The following CSGALNACT1 variants were observed in gnomAD, a reference collection of about 807,000 sequenced individuals.
CSGALNACT1 encodes the protein chondroitin sulfate N-acetylgalactosaminyltransferase 1.
In CSGALNACT1, 52 loss-of-function variants were observed where a neutral mutation model predicts 51.0. That is an observed-to-expected ratio of 1.02 (90% CI 0.82 to 1.29). The LOEUF is 1.29. Among genes scored for constraint, CSGALNACT1 ranks in the 50% most tolerant of loss-of-function variants. The pLI is 0.00. For missense variants in CSGALNACT1, 935 were observed against 679.2 expected, an observed-to-expected ratio of 1.38 and a Z score of -4.19; for synonymous variants, 341 against 254.4, an observed-to-expected ratio of 1.34 and a Z score of -3.24.
At chr8:19,658,851 G>A (rs2058521516) in intron 1 of CSGALNACT1, among the ~76,000 whole-genome samples, 2 of 152,192 alleles carry the variant, frequency 1.3e-5, no homozygotes, top group Admixed American at 6.5e-5. Flanking sequence ...AATTGAGGCT[G>A]AAAAGTGATA....
chr8:19,526,953 A>G (rs1432624566), intron 3 of CSGALNACT1, among the ~76,000 whole-genome samples: 5 of 152,230 alleles, frequency 3.3e-5, no homozygotes, highest in Admixed American at 1.3e-4. Flanking sequence ...GTTAAATGCT[A>G]TGTTAAAGTC....
exon 5 of CSGALNACT1, chr8:19,458,440 G>T (rs780874123): frequency 1.9e-6 from 3 of 1,614,076 alleles, no homozygotes; most frequent in East Asian, 2.2e-5. Flanking sequence ...AATTCTGCAT[G>T]AACTGCCGGA....
At chr8:19,563,070 A>G (rs888993197) in intron 3 of CSGALNACT1, among the ~76,000 whole-genome samples, 2 of 152,242 alleles carry the variant, frequency 1.3e-5, no homozygotes, top group African/African-American at 4.8e-5. Context: ...AATGTGGTAC[A>G]TACACACCAT....
chr8:19,633,209 C>T (rs1018064982), intron 1 of CSGALNACT1, among the ~76,000 whole-genome samples: 2 of 152,116 alleles, frequency 1.3e-5, no homozygotes, highest in South Asian at 4.1e-4. Context: ...TTCCCCAGGT[C>T]GTCGGTGAAT....
intron 3 of CSGALNACT1, among the ~76,000 whole-genome samples, chr8:19,547,414 G>C (rs1001353199): frequency 6.9e-6 from 1 of 144,782 alleles, no homozygotes; most frequent in African/African-American, 2.6e-5. Flanking sequence ...TTGTGGGAGA[G>C]ACCCAGTGGG....
intron 1 of CSGALNACT1, among the ~76,000 whole-genome samples, chr8:19,691,808 TG>T (rs1240523387): frequency 2.0e-5 from 3 of 152,148 alleles, no homozygotes; most frequent in Admixed American, 6.5e-5. Context: ...AGTGTGTCGC[TG>T]GGCTGGCAGC....
intron 2 of CSGALNACT1, among the ~76,000 whole-genome samples, chr8:19,594,626 C>T (rs2048505051): frequency 6.6e-6 from 1 of 152,150 alleles, no homozygotes; most frequent in African/African-American, 2.4e-5. Flanking sequence ...TCACTGCAAC[C>T]TCCACCTCCC....
intron 1 of CSGALNACT1, among the ~76,000 whole-genome samples, chr8:19,655,620 T>C (rs2058204919): frequency 1.3e-5 from 2 of 152,054 alleles, no homozygotes; most frequent in South Asian, 4.1e-4. Context: ...AGTTTTGCCA[T>C]GTTGCCTATG....
At chr8:19,416,183 C>G (rs976914004) in intron 8 of CSGALNACT1, among the ~76,000 whole-genome samples, 2 of 146,174 alleles carry the variant, frequency 1.4e-5, no homozygotes, top group African/African-American at 2.5e-5. Flanking sequence ...GGCACGATCT[C>G]GGCTCACTGC....
intron 1 of CSGALNACT1, among the ~76,000 whole-genome samples, chr8:19,635,683 C>T (rs1358576139): frequency 2.6e-5 from 4 of 152,154 alleles, no homozygotes; most frequent in Admixed American, 2.6e-4. Flanking sequence ...AGTTGTGAGG[C>T]ATCCAAAGCG....
At chr8:19,466,843 C>G (rs1229768474) in intron 4 of CSGALNACT1, among the ~76,000 whole-genome samples, 1 of 152,216 alleles carries the variant, frequency 6.6e-6, no homozygotes, top group Non-Finnish European at 1.5e-5. Flanking sequence ...TTCAGTGGCT[C>G]TGGACTTGTC....
At chr8:19,531,872 C>A (rs1239578492) in intron 3 of CSGALNACT1, 4 of 152,284 alleles carry the variant, frequency 2.6e-5, no homozygotes, top group African/African-American at 9.7e-5. Flanking sequence ...GTCCAAAGCT[C>A]AATGTCTTTC....
At chr8:19,657,281 ACTG>A (rs2058367093) in intron 1 of CSGALNACT1, among the ~76,000 whole-genome samples, 3 of 151,118 alleles carry the variant, frequency 2.0e-5, no homozygotes, top group Admixed American at 6.6e-5. Flanking sequence ...TGAAAGATAA[ACTG>A]AAAGATAAAC....
chr8:19,421,585 A>G (rs200589082), intron 6 of CSGALNACT1, among the ~76,000 whole-genome samples: 1 of 152,080 alleles, frequency 6.6e-6, no homozygotes, highest in Admixed American at 6.6e-5. Flanking sequence ...CCATGCCCCA[A>G]CTTCTCTCTA....
chr8:19,488,569 G>T (rs2073636467), intron 4 of CSGALNACT1, among the ~76,000 whole-genome samples: 2 of 151,750 alleles, frequency 1.3e-5, no homozygotes, highest in African/African-American at 4.9e-5. Flanking sequence ...AAAATCAACT[G>T]CTATTCAGAA....
At chr8:19,505,380 G>C in exon 4 of CSGALNACT1, 1 of 1,614,208 alleles carries the variant, frequency 6.2e-7, no homozygotes, top group Non-Finnish European at 8.5e-7. Flanking sequence ...CTTCTGTAGA[G>C]TAAAGCTATC....
At chr8:19,442,209 C>T (rs890662578) in intron 5 of CSGALNACT1, among the ~76,000 whole-genome samples, 3 of 152,136 alleles carry the variant, frequency 2.0e-5, no homozygotes, top group African/African-American at 7.2e-5. Flanking sequence ...CCCAGCCATC[C>T]CATTACTGGA....
intron 7 of CSGALNACT1, among the ~76,000 whole-genome samples, chr8:19,419,131 C>G (rs1393193628): frequency 1.3e-5 from 2 of 152,170 alleles, no homozygotes; most frequent in African/African-American, 4.8e-5. Flanking sequence ...CAGGCATGAG[C>G]CACTGCGCCC....
intron 5 of CSGALNACT1, among the ~76,000 whole-genome samples, chr8:19,445,831 G>A (rs1314267927): frequency 6.6e-6 from 1 of 152,204 alleles, no homozygotes; most frequent in African/African-American, 2.4e-5. Flanking sequence ...GTGAGAGTGT[G>A]TATGTGAGTG....
Sources: allele counts gnomAD v4.1 joint callset (sites outside exome capture counted in the v4.1 genomes callset), GRCh38; gene constraint gnomAD v4.1.1; transcripts MANE v1.5; gene names NCBI Gene and HGNC (gene_info 2026-07-23, HGNC 2026-07-21).